OGDH: variants seen among roughly 807,000 people sequenced by gnomAD.
OGDH encodes the protein 2-oxoglutarate dehydrogenase complex component E1.
OGDH carries 38 observed loss-of-function variants against 116.6 expected under a neutral mutation model. That is an observed-to-expected ratio of 0.33 (90% CI 0.25 to 0.43). The LOEUF is 0.43. Ranked by LOEUF, OGDH falls within the 20% of genes least tolerant of loss-of-function variation. The probability of loss-of-function intolerance (pLI) is 1.00; values close to 1 mark genes in which losing one functional copy is unlikely to be tolerated. For synonymous variants in OGDH, 488 were observed against 533.3 expected (o/e 0.92, Z 1.17); for missense variants, 825 against 1,357.2 (o/e 0.61, Z 6.16).
chr7:44,654,925 G>A (rs192444167), intron 4 of OGDH, among the ~76,000 whole-genome samples: 1 of 152,186 alleles, frequency 6.6e-6, no homozygotes, highest in Non-Finnish European at 1.5e-5. Context: ...GCACTCAGGT[G>A]TTGGAAAATC....
At chr7:44,690,942 T>A (rs80324159) in intron 10 of OGDH, among the ~76,000 whole-genome samples, 2,505 of 152,274 alleles carry the variant, frequency 0.016, 64 homozygotes, top group African/African-American at 0.054. Context: ...ATTTTTTTTT[T>A]AATCTCATCA....
At chr7:44,619,348 C>T (rs1353108638) in intron 1 of OGDH, among the ~76,000 whole-genome samples, 1 of 152,094 alleles carries the variant, frequency 6.6e-6, no homozygotes, top group Non-Finnish European at 1.5e-5. Context: ...TGGGATTGAG[C>T]CCTTGACCTG....
rs762244199 is a variant in OGDH, at chr7:44,698,210, G to A, written c.2377G>A (p.Ala793Thr). Residue 793 changes from alanine (A) to threonine (T), a missense_variant, in exon 18 of 23, where the codon GCC becomes ACC. By Grantham distance (58) the Ala-to-Thr change is moderately conservative. Around this residue, in one of 7 missense-constraint regions of OGDH, gnomAD observed 73 missense variants for 182.3 expected, o/e 0.40. Transcript: ENST00000222673. ...GTTCCAGGGTCCAGAACATTCCTCC[G>A]CCCGCCCAGAGCGGTTCTTGCAGAT... ...MEGMGPEHSS[A>T]RPERFLQMCN... 1.1e-5 allele frequency: 17 copies of A among 1,613,994 alleles called. No homozygotes were observed. Among genetic ancestry groups the A allele is most frequent in the Admixed American group, 3.3e-5 (2 of 59,986 alleles).
chr7:44,651,994 G>A (rs149382204), intron 4 of OGDH, among the ~76,000 whole-genome samples: 287 of 152,006 alleles, frequency 1.9e-3, no homozygotes, highest in Non-Finnish European at 3.0e-3. Flanking sequence ...GTGAGCCACC[G>A]TGCCCAGCCT....
intron 3 of OGDH, 82 bp from the exon 4 acceptor site, chr7:44,647,575 A>AC: frequency 6.6e-7 from 1 of 1,525,560 alleles, no homozygotes; most frequent in Non-Finnish European, 9.0e-7. Flanking sequence ...ATGTAATTTT[A>AC]CTTTTTTTTT....
At chr7:44,683,821 C>G (rs1382233282) in intron 10 of OGDH, among the ~76,000 whole-genome samples, 1 of 152,152 alleles carries the variant, frequency 6.6e-6, no homozygotes, top group Non-Finnish European at 1.5e-5. Context: ...TTAGATTCTT[C>G]CACCAGCCGT....
chr7:44,616,299 T>C (rs1784764654), intron 1 of OGDH, among the ~76,000 whole-genome samples: 4 of 152,298 alleles, frequency 2.6e-5, no homozygotes, highest in South Asian at 4.1e-4. Flanking sequence ...TCAACCTGTT[T>C]ATACCACATC....
At position 44,622,868 on chromosome 7, in the gene OGDH, G is replaced by A. The variant is rs184176927; in HGVS notation, c.-27-1449G>A. On this transcript the variant is annotated intron_variant, in intron 1 of 22. Coordinates refer to ENST00000222673, the MANE Select transcript of OGDH (RefSeq NM_002541.4). ...CTGCTGTTAGTAGCCTATGACCTTG[G>A]ATGAAATGTAAGGGAATAGAAACTG... 5 of 152,268 alleles carry A rather than the reference G, an allele frequency of 3.3e-5. 1 individual carries two copies. Among genetic ancestry groups the A allele is most frequent in the African/African-American group, 1.2e-4 (5 of 41,562 alleles). The allele number at this position is 152,268 out of a possible 1,614,324, so 9.4% of individuals were successfully genotyped here. A position where few individuals can be genotyped will look rare whatever the true frequency, so the allele number is the denominator to read the frequency against.
chr7:44,675,095 A>AG (rs3832521), intron 7 of OGDH, 83 bp from the exon 8 acceptor site: 178 of 973,808 alleles, frequency 1.8e-4, no homozygotes, highest in Non-Finnish European at 2.4e-4. Context: ...GGGGAGGGGG[A>AG]GGGGGGGATT....
chr7:44,675,664 G>A (rs961526564), intron 8 of OGDH, among the ~76,000 whole-genome samples: 1 of 152,048 alleles, frequency 6.6e-6, no homozygotes, highest in Admixed American at 6.6e-5. Context: ...GATCACGTGA[G>A]GTCGAGAGTT....
Position 44,697,034 on chromosome 7 carries a change from G to A in OGDH, c.2021G>A (p.Ser674Asn). 3 of 1,614,210 alleles carry A rather than the reference G, an allele frequency of 1.9e-6. No homozygotes were observed. Among genetic ancestry groups the A allele is most frequent in the Non-Finnish European group, 2.5e-6 (3 of 1,180,020 alleles). The stretch of plus-strand genomic sequence containing the variant: ...AAGGAGGGCATCCACATTCGGCTGA[G>A]CGGCCAGGACGTGGAGCGGGGCACA... ...LLKEGIHIRL[S>N]GQDVERGTFS... Residue 674 changes from serine (S) to asparagine (N), a missense_variant, in exon 15 of 23, where the codon AGC (serine) becomes AAC (asparagine). Transcript: ENST00000222673. The surrounding 1 kb of genome is among the most constrained non-coding windows in gnomAD (Gnocchi z 6.0).
At chr7:44,668,930 G>A (rs924015139) in intron 5 of OGDH, among the ~76,000 whole-genome samples, 1 of 152,156 alleles carries the variant, frequency 6.6e-6, no homozygotes, top group African/African-American at 2.4e-5. Flanking sequence ...GATCTGTGAA[G>A]TTCTTGTGTT....
chr7:44,607,144 C>T (rs768790219), intron 1 of OGDH, among the ~76,000 whole-genome samples: 5 of 152,212 alleles, frequency 3.3e-5, no homozygotes, highest in Non-Finnish European at 7.3e-5. Context: ...GTGGCCTGCT[C>T]GAGTTGCGTC....
At chr7:44,687,889 A>G (rs1241446446) in intron 10 of OGDH, among the ~76,000 whole-genome samples, 1 of 152,048 alleles carries the variant, frequency 6.6e-6, no homozygotes. Flanking sequence ...TCAAGGAAAA[A>G]CCTTGCATCC....
chr7:44,628,285 A>C (rs969081662), intron 2 of OGDH, among the ~76,000 whole-genome samples: 1 of 152,148 alleles, frequency 6.6e-6, no homozygotes, highest in African/African-American at 2.4e-5. Flanking sequence ...CTAATTCTCT[A>C]ATAGAATTTT....
At chr7:44,611,987 T>G (rs148976102) in intron 1 of OGDH, among the ~76,000 whole-genome samples, 1,976 of 152,254 alleles carry the variant, frequency 0.013, 46 homozygotes, top group African/African-American at 0.044. Flanking sequence ...TTGTTACATA[T>G]GTATACATGT....
At position 44,624,301 on chromosome 7, in the gene OGDH, T is replaced by A; in HGVS notation, c.-27-16T>A. ...AAACCTTTCTTTCTTGTTTTTTTTT[T>A]TTTTTTTTTGTACAGGCAGTTGTGA... On this transcript the variant is annotated splice_polypyrimidine_tract_variant and intron_variant, in intron 1 of 22. Coordinates refer to ENST00000222673, the MANE Select transcript of OGDH (RefSeq NM_002541.4). 1 of 1,251,276 alleles carries A rather than the reference T, an allele frequency of 8.0e-7. No homozygotes were observed. The highest frequency in any genetic ancestry group is 1.1e-6 in the Non-Finnish European group (1 of 932,218). 77.5% of individuals were successfully genotyped at this position (1,251,276 alleles called of 1,614,324 possible).
At chr7:44,689,530 C>T (rs924745198) in intron 10 of OGDH, among the ~76,000 whole-genome samples, 1 of 151,278 alleles carries the variant, frequency 6.6e-6, no homozygotes, top group Admixed American at 6.6e-5. Context: ...TGAGCCACCG[C>T]ACCCCCAGCT....
At chr7:44,634,854 G>A (rs1785593625) in intron 2 of OGDH, among the ~76,000 whole-genome samples, 3 of 152,224 alleles carry the variant, frequency 2.0e-5, no homozygotes, top group Admixed American at 1.3e-4. Context: ...TTGGAGACTT[G>A]TGCTTAGCCC....
Sources: gnomAD v4.1 joint callset for allele counts (sites outside exome capture counted in the v4.1 genomes callset) on GRCh38, gnomAD v4.1.1 for gene constraint, gnomAD v4.1.1 regional missense constraint, Gnocchi (gnomAD v3.1) non-coding constraint, MANE v1.5 for transcripts, NCBI Gene and HGNC (gene_info 2026-07-23, HGNC 2026-07-21) for gene names.